The following PDE4B variants were observed in gnomAD, a reference collection of about 807,000 sequenced individuals.
The protein encoded by PDE4B is 3',5'-cyclic-AMP phosphodiesterase 4B.
A neutral mutation model predicts 82.2 loss-of-function variants in PDE4B; 20 were observed. The observed-to-expected ratio is 0.24, with a 90% confidence interval of 0.17 to 0.35. PDE4B has a LOEUF of 0.35. PDE4B is among the 10% of genes least tolerant of loss of function. The probability of loss-of-function intolerance (pLI) is 1.00; values close to 1 mark genes in which losing one functional copy is unlikely to be tolerated. For synonymous variants in PDE4B, 320 were observed against 318.9 expected, an observed-to-expected ratio of 1.00 and a Z score of -0.04; for missense variants, 655 against 907.2, an observed-to-expected ratio of 0.72 and a Z score of 3.57.
intron 8 of PDE4B, among the ~76,000 whole-genome samples, chr1:66,342,540 T>C (rs1290047511): frequency 7.1e-6 from 1 of 140,898 alleles, no homozygotes; most frequent in Non-Finnish European, 1.5e-5. Context: ...TGAAATACTG[T>C]CTCTAATTAA....
At chr1:66,280,387 A>C (rs2101778412) in intron 7 of PDE4B, among the ~76,000 whole-genome samples, 1 of 152,364 alleles carries the variant, frequency 6.6e-6, no homozygotes, top group East Asian at 1.9e-4. Context: ...CACGAATGCC[A>C]ATCAATTTGT....
rs1182233068 is a variant in PDE4B at position 66,367,866 on chromosome 1, C to A, written c.1539+16C>A. On this transcript the variant is annotated intron_variant, in intron 14 of 16. Transcript: ENST00000341517. ...TATTGACATGGTAAGACTTTAGCCT[C>A]TCTACATTCCTCACTTACTGCCATT... is the stretch of plus-strand genomic sequence containing the variant. The A allele has an allele frequency of 6.2e-7, 1 of 1,612,396 alleles. No homozygotes were observed. The highest frequency in any genetic ancestry group is 1.3e-5 in the African/African-American group (1 of 74,850).
At chr1:66,095,033 T>C (rs1387995475) in intron 3 of PDE4B, among the ~76,000 whole-genome samples, 1 of 151,880 alleles carries the variant, frequency 6.6e-6, no homozygotes, top group East Asian at 1.9e-4. Context: ...ATCACACCTT[T>C]GGAAAGCAAA....
intron 7 of PDE4B, among the ~76,000 whole-genome samples, chr1:66,306,791 A>G (rs2101853362): frequency 6.6e-6 from 1 of 152,256 alleles, no homozygotes; most frequent in Admixed American, 6.5e-5. Flanking sequence ...AGTTCTGGAA[A>G]TCTGATGCCC....
At chr1:66,114,953 T>C (rs1645566211) in intron 3 of PDE4B, among the ~76,000 whole-genome samples, 1 of 152,052 alleles carries the variant, frequency 6.6e-6, no homozygotes, top group African/African-American at 2.4e-5. Context: ...AAATATGGAG[T>C]TGAATTTTAT....
intron 3 of PDE4B, among the ~76,000 whole-genome samples, chr1:66,001,020 C>G (rs970268931): frequency 1.3e-5 from 2 of 152,086 alleles, no homozygotes; most frequent in African/African-American, 4.8e-5. Flanking sequence ...TCTCCAAGTA[C>G]TTGAAAACCA....
chr1:66,090,913 G>A (rs929677342), intron 3 of PDE4B, among the ~76,000 whole-genome samples: 2 of 151,792 alleles, frequency 1.3e-5, no homozygotes, highest in African/African-American at 4.8e-5. Flanking sequence ...AATTACAAGT[G>A]CGTTTTCTTT....
At chr1:66,283,092 C>A (rs1656410173) in intron 7 of PDE4B, among the ~76,000 whole-genome samples, 1 of 152,130 alleles carries the variant, frequency 6.6e-6, no homozygotes, top group Non-Finnish European at 1.5e-5. Context: ...GGACATGGTG[C>A]CTGACCTAAG....
intron 3 of PDE4B, among the ~76,000 whole-genome samples, chr1:66,066,466 T>C (rs2100912383): frequency 6.6e-6 from 1 of 151,992 alleles, no homozygotes; most frequent in African/African-American, 2.4e-5. Context: ...TTCTGTTGAG[T>C]ACACAAAGCT....
intron 3 of PDE4B, among the ~76,000 whole-genome samples, chr1:66,138,174 T>C (rs1256116847): frequency 2.0e-5 from 3 of 152,136 alleles, no homozygotes; most frequent in Admixed American, 2.0e-4. Flanking sequence ...AAGGAAAACA[T>C]GGTTGGTTTT....
intron 3 of PDE4B, among the ~76,000 whole-genome samples, chr1:65,987,540 T>C (rs1651018840): frequency 6.6e-6 from 1 of 152,176 alleles, no homozygotes; most frequent in African/African-American, 2.4e-5. Context: ...ATGGACACTA[T>C]AGTTAGAGTG....
chr1:66,172,559 T>G (rs910419619), intron 3 of PDE4B, among the ~76,000 whole-genome samples: 3 of 152,160 alleles, frequency 2.0e-5, no homozygotes, highest in African/African-American at 7.2e-5. Context: ...CTAATTTACA[T>G]TCTTACCAAC....
At chr1:66,019,269 A>C (rs1652953060) in intron 3 of PDE4B, among the ~76,000 whole-genome samples, 1 of 152,064 alleles carries the variant, frequency 6.6e-6, no homozygotes, top group African/African-American at 2.4e-5. Context: ...ACAAGTCGAT[A>C]GTTCACATAG....
At chr1:66,078,419 A>C (rs2100949623) in intron 3 of PDE4B, among the ~76,000 whole-genome samples, 2 of 152,196 alleles carry the variant, frequency 1.3e-5, no homozygotes, top group Middle Eastern at 3.4e-3. Context: ...CATGTTGGCC[A>C]GACTGGTCTC....
chr1:65,821,989 A>G (rs2101246017), intron 1 of PDE4B, among the ~76,000 whole-genome samples: 1 of 152,302 alleles, frequency 6.6e-6, no homozygotes, highest in East Asian at 1.9e-4. Context: ...GATGCATCCT[A>G]TGTATTGCTG....
intron 8 of PDE4B, among the ~76,000 whole-genome samples, chr1:66,336,790 C>T (rs528018120): frequency 1.3e-4 from 20 of 152,274 alleles, no homozygotes; most frequent in Admixed American, 3.3e-4. Flanking sequence ...AGTGAGTCCT[C>T]CTGGCTATGC....
At position 65,954,585 on chromosome 1, in the gene PDE4B, C is replaced by G. The variant is rs191788698; in HGVS notation, c.281+35750C>G. 7.7e-4 allele frequency among the ~76,000 whole-genome samples: 117 copies of G among 152,098 alleles called. 1 individual carries two copies. The highest frequency in any genetic ancestry group is 2.5e-3 in the African/African-American group (104 of 41,524). ...AGTGATTACTGTTATGTATATTTTGCTTTTCAACACCTACAAATCAATATC... is the reference window on the plus strand; with the variant it reads ...AGTGATTACTGTTATGTATATTTTGGTTTTCAACACCTACAAATCAATATC... On this transcript the variant is annotated intron_variant, in intron 3 of 16. Coordinates refer to ENST00000341517, the MANE Select transcript of PDE4B (RefSeq NM_002600.4).
chr1:65,863,761 C>T (rs949482724), intron 1 of PDE4B, among the ~76,000 whole-genome samples: 8 of 152,104 alleles, frequency 5.3e-5, no homozygotes, highest in Admixed American at 1.3e-4. Flanking sequence ...TTACGTAATG[C>T]GTTTCTTTCT....
intron 7 of PDE4B, among the ~76,000 whole-genome samples, chr1:66,321,477 A>C (rs1282007350): frequency 2.0e-5 from 3 of 152,166 alleles, no homozygotes; most frequent in Non-Finnish European, 2.9e-5. Flanking sequence ...TCTATAACAA[A>C]ATATCTGAGA....
Sources: gnomAD v4.1 joint callset for allele counts (sites outside exome capture counted in the v4.1 genomes callset) on GRCh38, gnomAD v4.1.1 for gene constraint, MANE v1.5 for transcripts, NCBI Gene and HGNC (gene_info 2026-07-23, HGNC 2026-07-21) for gene names.